The following UBE2QL1 variants were observed in gnomAD, a reference collection of about 807,000 sequenced individuals.
UBE2QL1 encodes the protein ubiquitin conjugating enzyme E2 QL1.
In UBE2QL1, 5 loss-of-function variants were observed where a neutral mutation model predicts 12.6. The observed-to-expected ratio is 0.40, with a 90% CI of 0.21 to 0.83. UBE2QL1 has a LOEUF of 0.83. Ranked by LOEUF, UBE2QL1 falls within the 40% of genes least tolerant of loss-of-function variation. UBE2QL1 has a pLI of 0.37. For missense variants in UBE2QL1, 99 were observed against 222.6 expected, an observed-to-expected ratio of 0.44 and a Z score of 3.53; for synonymous variants, 96 against 94.5, an observed-to-expected ratio of 1.02 and a Z score of -0.10.
chr5:6,449,868 A>G (rs1198167642), intron 1 of UBE2QL1, among the ~76,000 whole-genome samples: 1 of 117,124 alleles, frequency 8.5e-6, no homozygotes, highest in Non-Finnish European at 1.8e-5. Flanking sequence ...CACCTCCCCA[A>G]CCCCCCCCAC....
At position 6,496,460 on chromosome 5, in the gene UBE2QL1, A is replaced by G. The variant is rs7735274; in HGVS notation, c.*5111A>G. 0.26 allele frequency among the ~76,000 whole-genome samples: 38,788 copies of G among 152,104 alleles called. 10,112 individuals carry two copies. The highest frequency in any genetic ancestry group is 0.67 in the African/African-American group (27,912 of 41,424). ...GTGCTAGGATGCTGATCTGTACACC[A>G]TGAGTGACTGCGAACTTTCAGACTC... On this transcript the variant is annotated 3_prime_UTR_variant, in exon 2 of 2. Coordinates refer to ENST00000399816, the MANE Select transcript of UBE2QL1 (RefSeq NM_001145161.3).
chr5:6,483,000 C>T (rs1483512137), intron 1 of UBE2QL1, among the ~76,000 whole-genome samples: 5 of 152,214 alleles, frequency 3.3e-5, no homozygotes, highest in East Asian at 1.9e-4. Flanking sequence ...CCACCCACCA[C>T]GCCAGCAAGG....
intron 1 of UBE2QL1, among the ~76,000 whole-genome samples, chr5:6,463,363 G>A (rs956971936): frequency 1.3e-5 from 2 of 152,098 alleles, no homozygotes; most frequent in South Asian, 2.1e-4. Context: ...AGTGAAAAGA[G>A]GGTCACATGA....
chr5:6,483,922 C>T (rs1391806512), intron 1 of UBE2QL1, among the ~76,000 whole-genome samples: 5 of 152,176 alleles, frequency 3.3e-5, no homozygotes, highest in Admixed American at 6.5e-5. Flanking sequence ...CTTCTCTGGT[C>T]GCCTGTATGT....
intron 1 of UBE2QL1, among the ~76,000 whole-genome samples, chr5:6,483,078 G>C (rs1170941232): frequency 1.3e-5 from 2 of 152,210 alleles, no homozygotes; most frequent in African/African-American, 2.4e-5. Context: ...AAGAAGAAAA[G>C]ACATGCTTAC....
At chr5:6,463,598 G>GTTATTA (rs149126743) in intron 1 of UBE2QL1, among the ~76,000 whole-genome samples, 30,991 of 137,004 alleles carry the variant, frequency 0.23, 3,561 homozygotes, top group Middle Eastern at 0.25. Context: ...TATTTGTGCT[G>GTTATTA]TTATTATTAT....
chr5:6,473,820 A>C (rs1415360233), intron 1 of UBE2QL1, among the ~76,000 whole-genome samples: 2 of 152,206 alleles, frequency 1.3e-5, no homozygotes, highest in Non-Finnish European at 2.9e-5. Context: ...GCCAATGTAA[A>C]TATCACAATA....
chr5:6,483,994 C>G (rs1052755013), intron 1 of UBE2QL1, among the ~76,000 whole-genome samples: 1 of 152,142 alleles, frequency 6.6e-6, no homozygotes, highest in Non-Finnish European at 1.5e-5. Flanking sequence ...AAAGTGTAAC[C>G]GAAAGATCAG....
rs908458897 is a variant in UBE2QL1 at position 6,495,567 on chromosome 5, C to T, written c.*4218C>T. 3.3e-5 allele frequency among the ~76,000 whole-genome samples: 5 copies of T among 152,162 alleles called. No individual in the cohort carries two copies. Among genetic ancestry groups the T allele is most frequent in the Non-Finnish European group, 7.3e-5 (5 of 68,032 alleles). ...ACTATTAGGCAATTCATGTGGCCCTCACCAAACACACACTCTTCACCCCAT... is the reference window on the plus strand; with the variant it reads ...ACTATTAGGCAATTCATGTGGCCCTTACCAAACACACACTCTTCACCCCAT... On this transcript the variant is annotated 3_prime_UTR_variant, in exon 2 of 2. Coordinates refer to ENST00000399816, the MANE Select transcript of UBE2QL1 (RefSeq NM_001145161.3).
At chr5:6,464,175 C>T (rs943613598) in intron 1 of UBE2QL1, among the ~76,000 whole-genome samples, 1 of 152,156 alleles carries the variant, frequency 6.6e-6, no homozygotes, top group South Asian at 2.1e-4. Flanking sequence ...CAAACAAGGT[C>T]AGTTGTAAAC....
In UBE2QL1 at chr5:6,492,657, T is replaced by C. The variant is rs1734597557; in HGVS notation, c.*1308T>C. ...TCCATTTAAAATATTTCAGATATTC[T>C]TAAATTTTTTAAATATTGCAAATAC... On this transcript the variant is annotated 3_prime_UTR_variant, in exon 2 of 2. Transcript: ENST00000399816. 6.6e-6 allele frequency: 1 copy of C among 152,240 alleles called. No individual in the cohort carries two copies. Among genetic ancestry groups the C allele is most frequent in the Non-Finnish European group, 1.5e-5 (1 of 68,042 alleles). The allele number at this position is 152,240 out of a possible 1,614,324, so 9.4% of individuals were successfully genotyped here. A position where few individuals can be genotyped will look rare whatever the true frequency, so the allele number is the denominator to read the frequency against.
At position 6,479,148 on chromosome 5, in the gene UBE2QL1, T is replaced by C. The variant is rs979397715; in HGVS notation, c.355-12070T>C. Among the ~76,000 whole-genome samples, 1 of 151,928 alleles carries C rather than the reference T, an allele frequency of 6.6e-6. No individual in the cohort carries two copies. Among genetic ancestry groups the C allele is most frequent in the Non-Finnish European group, 1.5e-5 (1 of 67,976 alleles). ...CACACAGCACGGGAGGCCACAGAGC[T>C]GAGTGAGCAGAGTCCCACCTGCCGG... On this transcript the variant is annotated intron_variant, in intron 1 of 1. Coordinates refer to ENST00000399816, the MANE Select transcript of UBE2QL1 (RefSeq NM_001145161.3). This position sits in a 1 kb window ranked among gnomAD's most constrained non-coding sequence, Gnocchi z 4.2.
At chr5:6,471,706 G>A (rs776887606) in intron 1 of UBE2QL1, among the ~76,000 whole-genome samples, 23 of 152,250 alleles carry the variant, frequency 1.5e-4, no homozygotes, top group Non-Finnish European at 1.9e-4. Flanking sequence ...CAAACAGGGA[G>A]TGAACGCCAG....
chr5:6,480,307 C>T (rs1449497192), intron 1 of UBE2QL1, among the ~76,000 whole-genome samples: 7 of 152,278 alleles, frequency 4.6e-5, no homozygotes, highest in Non-Finnish European at 4.4e-5. Flanking sequence ...GTAAAATAGA[C>T]CTGATGACAG....
intron 1 of UBE2QL1, among the ~76,000 whole-genome samples, chr5:6,459,021 C>T (rs1000064487): frequency 6.6e-6 from 1 of 152,026 alleles, no homozygotes; most frequent in African/African-American, 2.4e-5. Flanking sequence ...AAGCCAGGGG[C>T]CTTGTCCACA....
At chr5:6,488,457 CAAAAA>C (rs200680109) in intron 1 of UBE2QL1, among the ~76,000 whole-genome samples, 1 of 139,466 alleles carries the variant, frequency 7.2e-6, no homozygotes, top group African/African-American at 2.5e-5. Context: ...GCATTTTCGC[CAAAAA>C]AAAAAAAAAA....
At chr5:6,474,892 C>T (rs570924810) in intron 1 of UBE2QL1, among the ~76,000 whole-genome samples, 96 of 152,314 alleles carry the variant, frequency 6.3e-4, no homozygotes, top group African/African-American at 2.2e-3. Flanking sequence ...CAGCACCTGA[C>T]AGCTGCATGG....
chr5:6,483,178 G>C (rs1195464057), intron 1 of UBE2QL1, among the ~76,000 whole-genome samples: 1 of 152,208 alleles, frequency 6.6e-6, no homozygotes, highest in African/African-American at 2.4e-5. Context: ...GCTCATGCCT[G>C]TAATCCCAGC....
intron 1 of UBE2QL1, among the ~76,000 whole-genome samples, chr5:6,464,313 A>G (rs938245387): frequency 1.3e-5 from 2 of 152,226 alleles, no homozygotes; most frequent in African/African-American, 4.8e-5. Context: ...GGAACAATGA[A>G]ACTACAAAAG....
Sources: allele counts gnomAD v4.1 joint callset (sites outside exome capture counted in the v4.1 genomes callset), GRCh38; gene constraint gnomAD v4.1.1; non-coding constraint Gnocchi (gnomAD v3.1); transcripts MANE v1.5; gene names NCBI Gene and HGNC (gene_info 2026-07-23, HGNC 2026-07-21).